The following P2RY14 variants were observed in gnomAD, a reference collection of about 807,000 sequenced individuals.
P2RY14 encodes the protein P2Y purinoceptor 14.
P2RY14 carries 2 observed loss-of-function variants against 0.9 expected under a neutral mutation model. The ratio of observed to expected loss-of-function variants is 2.16; its 90% CI spans 0.88 to 6.79. The LOEUF (loss-of-function observed/expected upper bound fraction) is 6.79. P2RY14 is among the 30% of genes most tolerant of loss of function. The pLI is 0.05. For missense variants in P2RY14, 378 were observed against 400.1 expected (o/e 0.94, Z 0.47); for synonymous variants, 158 against 147.2 (o/e 1.07, Z -0.53).
At chr3:151,246,580 G>T (rs968360141) in intron 1 of P2RY14, among the ~76,000 whole-genome samples, 2 of 152,150 alleles carry the variant, frequency 1.3e-5, no homozygotes, top group African/African-American at 4.8e-5. Flanking sequence ...GTAGAAAGCT[G>T]AAACTGGATC....
At chr3:151,239,849 CA>C (rs1234553200) in intron 1 of P2RY14, among the ~76,000 whole-genome samples, 1 of 151,988 alleles carries the variant, frequency 6.6e-6, no homozygotes, top group Non-Finnish European at 1.5e-5. Flanking sequence ...CTATAAATAT[CA>C]AAAAAGGACA....
At chr3:151,269,949 A>G in intron 1 of P2RY14, 1 of 407,668 alleles carries the variant, frequency 2.5e-6, no homozygotes, top group South Asian at 1.9e-5. Context: ...ATCAAAGATA[A>G]TACTTGGACA....
intron 2 of P2RY14, among the ~76,000 whole-genome samples, chr3:151,217,721 G>T (rs1346993953): frequency 6.6e-6 from 1 of 152,132 alleles, no homozygotes; most frequent in South Asian, 2.1e-4. Context: ...CACTCTAAAG[G>T]AACAAGCTAA....
chr3:151,238,565 C>T (rs530867157), intron 1 of P2RY14, among the ~76,000 whole-genome samples: 1 of 152,278 alleles, frequency 6.6e-6, no homozygotes, highest in Admixed American at 6.5e-5. Context: ...CTATTTTCAT[C>T]GTGCTGAAAT....
At chr3:151,248,113 G>A (rs79977601) in intron 1 of P2RY14, among the ~76,000 whole-genome samples, 3,756 of 151,214 alleles carry the variant, frequency 0.025, 142 homozygotes, top group African/African-American at 0.086. Flanking sequence ...CCTTGTCCTT[G>A]CCATCCACAA....
intron 1 of P2RY14, among the ~76,000 whole-genome samples, chr3:151,267,896 T>A: frequency 6.6e-6 from 1 of 152,286 alleles, no homozygotes; most frequent in Non-Finnish European, 1.5e-5. Flanking sequence ...TTTTTAAAAT[T>A]TCTTTGTACG....
In P2RY14 at chr3:151,213,562, GC is replaced by G; in HGVS notation, c.754del (p.Ala252ProfsTer25). ...CTGACTCTTTGTGTAGGGGATTCTG[GC>G]AATATGGTAAGGTACAAAACAGACA... Reference protein sequence around the residue: ...FFVCFVPYHIARIPYTKSQTE... With the variant: ...FFVCFVPYHIXRIPYTKSQTE... On this transcript the variant is annotated frameshift_variant, in exon 3 of 3. Coordinates refer to ENST00000309170, the MANE Select transcript of P2RY14 (RefSeq NM_014879.4). LOFTEE classifies it high-confidence loss of function. 1 of 1,614,172 alleles carries G rather than the reference GC, an allele frequency of 6.2e-7. No individual in the cohort carries two copies.
intron 1 of P2RY14, among the ~76,000 whole-genome samples, chr3:151,226,486 T>C (rs915782869): frequency 8.5e-5 from 13 of 152,216 alleles, no homozygotes; most frequent in African/African-American, 3.1e-4. Context: ...TAATGTCTGA[T>C]TGATTCCAAG....
At chr3:151,247,448 T>A (rs561554095) in intron 1 of P2RY14, among the ~76,000 whole-genome samples, 1 of 152,006 alleles carries the variant, frequency 6.6e-6, no homozygotes, top group African/African-American at 2.4e-5. Context: ...AATGATGAGT[T>A]CATGTCCTTT....
rs141586207 is a variant in P2RY14, at chr3:151,275,882, C to T, written c.-133+2405G>A. Among the ~76,000 whole-genome samples the T allele has an allele frequency of 7.0e-3, 1,071 of 152,162 alleles. 14 individuals carry two copies. Among genetic ancestry groups the T allele is most frequent in the African/African-American group, 0.024 (1,001 of 41,508 alleles). On this transcript the variant is annotated intron_variant, in intron 1 of 2. Transcript: ENST00000309170. ...CTGTGCTGCTCAGACTTTTAGGAGG[C>T]AATGCATCTTTTAGTATTGCGGGGT...
chr3:151,220,725 A>T lies in P2RY14; in HGVS notation c.-132-1083T>A, dbSNP rs114212048. Among the ~76,000 whole-genome samples, 1,123 of 152,324 alleles carry T rather than the reference A, an allele frequency of 7.4e-3. 15 individuals carry two copies. Among genetic ancestry groups the T allele is most frequent in the African/African-American group, 0.026 (1,066 of 41,556 alleles). ...TGCCATGATTGTGAGGCCTCCCACC[A>T]TGTGGAACTGTAAGTCCAGTAAACC... is the stretch of plus-strand genomic sequence containing the variant. On this transcript the variant is annotated intron_variant, in intron 1 of 2. Transcript: ENST00000309170.
At position 151,213,640 on chromosome 3, in the gene P2RY14, G is replaced by A. The variant is rs779580436; in HGVS notation, c.677C>T (p.Ser226Leu). 45 of 1,613,976 alleles carry A rather than the reference G, an allele frequency of 2.8e-5. No individual in the cohort carries two copies. In the Middle Eastern group the frequency reaches 2.3e-3, roughly 83 times the overall value. ...SHLKSSRNST[S>L]VKKKSSRNIF... is the part of the protein sequence containing the mutation. ...GTTGCGGCTAGATTTCTTTTTGACCGAAGTGGAATTCCGACTTGACTTAAG... is the reference window on the plus strand; with the variant it reads ...GTTGCGGCTAGATTTCTTTTTGACCAAAGTGGAATTCCGACTTGACTTAAG... Residue 226 changes from serine (S) to leucine (L), a missense_variant, in exon 3 of 3, where the codon TCG becomes TTG. By Grantham distance (145) the Ser-to-Leu change is moderately radical (BLOSUM62 -2). Transcript: ENST00000309170.
intron 1 of P2RY14, among the ~76,000 whole-genome samples, chr3:151,229,273 T>G (rs1352374405): frequency 6.6e-6 from 1 of 151,886 alleles, no homozygotes; most frequent in Non-Finnish European, 1.5e-5. Flanking sequence ...TAATAAAACA[T>G]ACTGTGGTAA....
At chr3:151,247,728 A>G (rs1425765179) in intron 1 of P2RY14, among the ~76,000 whole-genome samples, 25 of 148,658 alleles carry the variant, frequency 1.7e-4, no homozygotes, top group African/African-American at 5.9e-4. Flanking sequence ...AACCTGCACA[A>G]TGTGCACATG....
chr3:151,247,876 A>C (rs1318616118), intron 1 of P2RY14, among the ~76,000 whole-genome samples: 1 of 150,116 alleles, frequency 6.7e-6, no homozygotes, highest in African/African-American at 2.5e-5. Context: ...GCCTTCCCTT[A>C]GTTGCAGTGT....
At chr3:151,242,728 C>T (rs544055857) in intron 1 of P2RY14, among the ~76,000 whole-genome samples, 21 of 152,224 alleles carry the variant, frequency 1.4e-4, no homozygotes, top group African/African-American at 3.6e-4. Flanking sequence ...TCCAAAGGAA[C>T]GCAGTTCCTC....
At position 151,247,528 on chromosome 3, in the gene P2RY14, T is replaced by C. The variant is rs113890544; in HGVS notation, c.-132-27886A>G. 7.3e-3 allele frequency among the ~76,000 whole-genome samples: 1,082 copies of C among 148,466 alleles called. 8 individuals are homozygous for C. Among genetic ancestry groups the C allele is most frequent in the South Asian group, 0.017 (77 of 4,620 alleles). On this transcript the variant is annotated intron_variant, in intron 1 of 2. Coordinates refer to ENST00000309170, the MANE Select transcript of P2RY14 (RefSeq NM_014879.4). ...ATCGCAAGAACAAAAAACCAAACAC[T>C]GCATATTCTCACTCATAGGTGGGAA...
At chr3:151,233,749 A>G (rs1732185686) in intron 1 of P2RY14, among the ~76,000 whole-genome samples, 1 of 152,174 alleles carries the variant, frequency 6.6e-6, no homozygotes, top group Admixed American at 6.5e-5. Flanking sequence ...AACAAAAACA[A>G]AAACACAGCA....
rs376615582 is a variant in P2RY14, at chr3:151,246,643, C to T, written c.-132-27001G>A. Among the ~76,000 whole-genome samples the T allele has an allele frequency of 7.1e-3, 1,088 of 152,234 alleles. 6 individuals carry two copies. The highest frequency in any genetic ancestry group is 0.014 in the South Asian group (69 of 4,824). On this transcript the variant is annotated intron_variant, in intron 1 of 2. Transcript: ENST00000309170. ...ATTCAAGATGGATTAAAGACTTAAA[C>T]GTTAGACCTACAACCATAAAAACCC...
Sources: allele counts gnomAD v4.1 joint callset (sites outside exome capture counted in the v4.1 genomes callset), GRCh38; gene constraint gnomAD v4.1.1; transcripts MANE v1.5; gene names NCBI Gene and HGNC (gene_info 2026-07-23, HGNC 2026-07-21).